Variants in TBXAS1 observed in about 807,000 individuals in gnomAD.
TBXAS1 encodes the protein thromboxane A synthase 1, also known as thromboxane-A synthase.
In TBXAS1, 48 loss-of-function variants were observed where a neutral mutation model predicts 60.7. The observed-to-expected ratio is 0.79, with a 90% CI of 0.63 to 1.01. The LOEUF (loss-of-function observed/expected upper bound fraction) is 1.01. TBXAS1 is among the 50% of genes least tolerant of loss of function. TBXAS1 has a pLI of 0.00. For synonymous variants in TBXAS1, 287 were observed against 269.7 expected, an observed-to-expected ratio of 1.06 and a Z score of -0.63; for missense variants, 685 against 686.3, an observed-to-expected ratio of 1.00 and a Z score of 0.02.
chr7:139,810,866 A>G (rs1251471562), intron 4 of TBXAS1, among the ~76,000 whole-genome samples: 5 of 152,280 alleles, frequency 3.3e-5, no homozygotes, highest in South Asian at 2.1e-4. Flanking sequence ...TCAAAAATAA[A>G]TATTTAAAAG....
chr7:139,922,344 T>C (rs549705580), intron 4 of TBXAS1, among the ~76,000 whole-genome samples: 1 of 152,210 alleles, frequency 6.6e-6, no homozygotes, highest in East Asian at 1.9e-4. Context: ...TCAGGTGATC[T>C]GCCCACCTTC....
intron 3 of TBXAS1, among the ~76,000 whole-genome samples, chr7:139,899,148 CAG>C (rs1157160718): frequency 2.0e-5 from 3 of 152,134 alleles, no homozygotes; most frequent in Admixed American, 6.5e-5. Flanking sequence ...GGGTCTGACA[CAG>C]AGTATGTGCT....
intron 1 of TBXAS1, among the ~76,000 whole-genome samples, chr7:139,833,407 G>A (rs938289761): frequency 2.6e-5 from 4 of 151,718 alleles, no homozygotes; most frequent in African/African-American, 9.7e-5. Flanking sequence ...GAGGGGCCGG[G>A]CGTGGTGGCT....
chr7:139,908,878 A>C (rs1260488842), intron 3 of TBXAS1, among the ~76,000 whole-genome samples: 1 of 152,196 alleles, frequency 6.6e-6, no homozygotes, highest in Non-Finnish European at 1.5e-5. Context: ...AAAATCTCTT[A>C]GTTTTCCTTC....
intron 9 of TBXAS1, among the ~76,000 whole-genome samples, chr7:139,982,398 C>CT (rs996007781): frequency 6.6e-6 from 1 of 152,054 alleles, no homozygotes; most frequent in Non-Finnish European, 1.5e-5. Flanking sequence ...GCTGGCTCTC[C>CT]TAGGAACACT....
At chr7:139,922,117 C>A (rs1455274875) in intron 4 of TBXAS1, among the ~76,000 whole-genome samples, 5 of 148,828 alleles carry the variant, frequency 3.4e-5, no homozygotes, top group Admixed American at 2.7e-4. Context: ...TTTTTTTTCC[C>A]CGAGATGGAG....
In TBXAS1 at chr7:139,899,338, C is replaced by T. The variant is rs185978135; in HGVS notation, c.237-11887C>T. ...CCACCACCAGGAACAGTCTATAGCTCGGTCACCCCTAACAGGGGCAGGCCT... is the reference window on the plus strand; with the variant it reads ...CCACCACCAGGAACAGTCTATAGCTTGGTCACCCCTAACAGGGGCAGGCCT... On this transcript the variant is annotated intron_variant, in intron 3 of 12. Coordinates refer to ENST00000448866, the MANE Select transcript of TBXAS1 (RefSeq NM_001061.7). Among the ~76,000 whole-genome samples the T allele has an allele frequency of 5.0e-4, 76 of 152,322 alleles. 1 individual carries two copies. Among genetic ancestry groups the T allele is most frequent in the Admixed American group, 1.4e-3 (22 of 15,310 alleles).
chr7:139,853,236 G>T (rs1417235897), intron 1 of TBXAS1, among the ~76,000 whole-genome samples: 1 of 152,010 alleles, frequency 6.6e-6, no homozygotes, highest in Admixed American at 6.6e-5. Context: ...TTTTCACAGG[G>T]GACTCAGAGC....
At chr7:139,887,116 G>A (rs1803173831) in intron 3 of TBXAS1, among the ~76,000 whole-genome samples, 3 of 152,140 alleles carry the variant, frequency 2.0e-5, no homozygotes, top group South Asian at 4.2e-4. Flanking sequence ...GAGTAGGTGG[G>A]ATGGGTTTTC....
intron 4 of TBXAS1, among the ~76,000 whole-genome samples, chr7:139,814,815 T>C (rs1798106888): frequency 2.6e-5 from 4 of 152,126 alleles, no homozygotes; most frequent in Admixed American, 2.6e-4. Flanking sequence ...AGATTGTAGT[T>C]CTTGGCACTG....
intron 9 of TBXAS1, among the ~76,000 whole-genome samples, chr7:139,978,070 G>C (rs1344437939): frequency 1.3e-5 from 2 of 152,136 alleles, no homozygotes; most frequent in African/African-American, 4.8e-5. Context: ...TCTGTGGCTT[G>C]TGGCCAGCTG....
intron 4 of TBXAS1, among the ~76,000 whole-genome samples, chr7:139,820,133 C>T (rs1319660183): frequency 6.6e-6 from 1 of 152,090 alleles, no homozygotes; most frequent in Non-Finnish European, 1.5e-5. Context: ...AATGACTGTT[C>T]CAGGCACCAA....
At chr7:139,909,940 CT>C (rs1805390197) in intron 3 of TBXAS1, among the ~76,000 whole-genome samples, 1 of 152,192 alleles carries the variant, frequency 6.6e-6, no homozygotes, top group Non-Finnish European at 1.5e-5. Flanking sequence ...AGGCTTGTCC[CT>C]GGCTCAACTG....
intron 9 of TBXAS1, among the ~76,000 whole-genome samples, chr7:139,990,234 C>T (rs751099838): frequency 6.6e-6 from 1 of 152,232 alleles, no homozygotes; most frequent in Non-Finnish European, 1.5e-5. Flanking sequence ...TGAAGGGAGA[C>T]CCCGAGGCCA....
chr7:139,814,849 G>T (rs898470202), intron 4 of TBXAS1, among the ~76,000 whole-genome samples: 1 of 152,186 alleles, frequency 6.6e-6, no homozygotes, highest in African/African-American at 2.4e-5. Context: ...AACAGCTTCT[G>T]CATCCTTGGT....
intron 1 of TBXAS1, among the ~76,000 whole-genome samples, chr7:139,854,391 G>C (rs2116672131): frequency 1.3e-5 from 2 of 152,262 alleles, no homozygotes; most frequent in Non-Finnish European, 2.9e-5. Flanking sequence ...CCAAATAAAG[G>C]AGGTTAGTGC....
intron 5 of TBXAS1, among the ~76,000 whole-genome samples, chr7:139,951,907 GAGAAAGAA>G (rs1157691380): frequency 7.5e-5 from 3 of 40,168 alleles, no homozygotes; most frequent in Non-Finnish European, 1.1e-4. Flanking sequence ...AGGAAAGAAA[GAGAAAGAA>G]AGAGAGAAAG....
intron 1 of TBXAS1, among the ~76,000 whole-genome samples, chr7:139,860,710 C>A (rs933031822): frequency 2.8e-4 from 42 of 152,212 alleles, no homozygotes; most frequent in African/African-American, 7.7e-4. Context: ...CCAGAAGGAA[C>A]CAGCCCTGTG....
rs762784306 is a variant in TBXAS1, at chr7:140,020,114, G to C, written c.*15G>C. 1 of 1,613,264 alleles carries C rather than the reference G, an allele frequency of 6.2e-7. No individual in the cohort carries two copies. Among genetic ancestry groups the C allele is most frequent in the East Asian group, 2.2e-5 (1 of 44,874 alleles). On this transcript the variant is annotated 3_prime_UTR_variant, in exon 13 of 13. Transcript: ENST00000448866. ...TATCCCGCTGACACAGAAGGCTGCC[G>C]GGTGGGGGGAGGGCACCCCCAAATT...
Sources: gnomAD v4.1 joint callset for allele counts (sites outside exome capture counted in the v4.1 genomes callset) on GRCh38, gnomAD v4.1.1 for gene constraint, MANE v1.5 for transcripts, NCBI Gene and HGNC (gene_info 2026-07-23, HGNC 2026-07-21) for gene names.